Variants in TRAF4 observed in about 807,000 individuals in gnomAD.
TRAF4 encodes the protein TNF receptor-associated factor 4.
TRAF4 carries 9 observed loss-of-function variants against 47.3 expected under a neutral mutation model. The ratio of observed to expected loss-of-function variants is 0.19; its 90% CI spans 0.11 to 0.33. TRAF4 has a LOEUF of 0.33. Among genes scored for constraint, TRAF4 ranks in the 10% least tolerant of loss-of-function variants. The pLI is 1.00. For missense variants in TRAF4, 448 were observed against 620.3 expected (o/e 0.72, Z 2.95); for synonymous variants, 236 against 236.9 (o/e 1.00, Z 0.04).
chr17:28,744,476 G>A (rs1180914894), intron 1 of TRAF4, among the ~76,000 whole-genome samples: 1 of 152,076 alleles, frequency 6.6e-6, no homozygotes, highest in Non-Finnish European at 1.5e-5. Context: ...TGCCCGGCCC[G>A]GGGCGGAAGA....
At chr17:28,746,538 G>A (rs1169733656) in intron 1 of TRAF4, among the ~76,000 whole-genome samples, 1 of 152,248 alleles carries the variant, frequency 6.6e-6, no homozygotes, top group Admixed American at 6.5e-5. Flanking sequence ...AGTAGAGCCT[G>A]TCTGAGCTGT....
rs1188820742 is a variant in TRAF4, at chr17:28,747,914, C to T, written c.267C>T (p.Gly89=). 1.2e-6 allele frequency: 2 copies of T among 1,614,144 alleles called. No homozygotes were observed. Among genetic ancestry groups the T allele is most frequent in the Admixed American group, 3.3e-5 (2 of 60,026 alleles). The part of the protein sequence containing the change: ...LPIRCIHSEE[G]CRWSGPLRHL... ...TCCGCTGCATCCACAGTGAGGAGGG[C>T]TGCCGCTGGAGTGGGCCACTACGTC... The change falls in exon 3 of 7, where the codon GGC becomes GGT. Residue 89 remains glycine, a synonymous_variant. Coordinates refer to ENST00000262395, the MANE Select transcript of TRAF4 (RefSeq NM_004295.4).
chr17:28,744,430 C>T (rs1210135965), intron 1 of TRAF4, among the ~76,000 whole-genome samples, 175 bp downstream of exon 1: 1 of 151,978 alleles, frequency 6.6e-6, no homozygotes, highest in African/African-American at 2.4e-5. Flanking sequence ...GGAGGCCCCC[C>T]CCGCAGGAAT....
At chr17:28,744,389 G>A (rs1240003046) in intron 1 of TRAF4, 134 bp downstream of exon 1, 6 of 1,039,104 alleles carry the variant, frequency 5.8e-6, no homozygotes, top group Non-Finnish European at 8.0e-6. Flanking sequence ...GCCCCGTGAC[G>A]TCACGGGGAG....
At chr17:28,744,294 G>A (rs1243765436) in intron 1 of TRAF4, 39 bp downstream of exon 1, 9 of 1,497,220 alleles carry the variant, frequency 6.0e-6, no homozygotes, top group Non-Finnish European at 8.0e-6. Context: ...GGGCGGGGCG[G>A]GGCGGGGGGC....
intron 2 of TRAF4, chr17:28,747,555 G>A (rs1597813066): frequency 3.4e-6 from 2 of 583,410 alleles, no homozygotes; most frequent in African/African-American, 3.7e-5. Context: ...CTGAGGGCCA[G>A]TATCCCTCCA....
In TRAF4 at chr17:28,749,828, G is replaced by T. The variant is rs1328641436; in HGVS notation, c.*251G>T. 2.8e-6 allele frequency: 2 copies of T among 722,980 alleles called. No individual in the cohort carries two copies. The highest frequency in any genetic ancestry group is 4.9e-6 in the Non-Finnish European group (2 of 404,244). The allele number at this position is 722,980 out of a possible 1,614,324, so 44.8% of individuals were successfully genotyped here. A position where few individuals can be genotyped will look rare whatever the true frequency, so the allele number is the denominator to read the frequency against. The stretch of plus-strand genomic sequence containing the variant: ...ACCCCAGGGCCTGTCTCCCTTCTTG[G>T]GTAGGGCAGACATGCCTTGGTGCCG... On this transcript the variant is annotated 3_prime_UTR_variant, in exon 7 of 7. Coordinates refer to ENST00000262395, the MANE Select transcript of TRAF4 (RefSeq NM_004295.4).
Position 28,749,856 on chromosome 17 carries a change from C to A in TRAF4, c.*279C>A. ...AGGGCAGACATGCCTTGGTGCCGGTCACACTCTACACGGACTGAGGTGCCT... is the reference window on the plus strand; with the variant it reads ...AGGGCAGACATGCCTTGGTGCCGGTAACACTCTACACGGACTGAGGTGCCT... On this transcript the variant is annotated 3_prime_UTR_variant, in exon 7 of 7. Transcript: ENST00000262395. 1 of 705,704 alleles carries A rather than the reference C, an allele frequency of 1.4e-6. No homozygotes were observed. The highest frequency in any genetic ancestry group is 2.6e-6 in the Non-Finnish European group (1 of 388,718). 43.7% of individuals were successfully genotyped at this position (705,704 alleles called of 1,614,324 possible).
chr17:28,745,108 G>T (rs1367045971), intron 1 of TRAF4, among the ~76,000 whole-genome samples: 1 of 152,234 alleles, frequency 6.6e-6, no homozygotes, highest in South Asian at 2.1e-4. Flanking sequence ...CAGAGCGCAG[G>T]GGAAGGCCGA....
In TRAF4 at chr17:28,748,946, G is replaced by A; in HGVS notation, c.782G>A (p.Cys261Tyr). The A allele has an allele frequency of 6.2e-7, 1 of 1,608,498 alleles. No homozygotes were observed. Among genetic ancestry groups the A allele is most frequent in the Admixed American group, 1.7e-5 (1 of 59,826 alleles). The change falls in exon 7 of 7, where the codon TGC becomes TAC. Residue 261 changes from cysteine to tyrosine, a missense_variant and splice_region_variant. By Grantham distance (194) the Cys-to-Tyr change is radical. Transcript: ENST00000262395. ...PFKDSGCKHR[C>Y]PKLAMARHVE... ...CATGGCCTGGGGCTTTGCCAACAGTGCCCTAAGCTGGCAATGGCACGGCAT... is the reference window on the plus strand; with the variant it reads ...CATGGCCTGGGGCTTTGCCAACAGTACCCTAAGCTGGCAATGGCACGGCAT...
chr17:28,748,793 T>C, intron 6 of TRAF4, 127 bp downstream of exon 6: 1 of 1,490,866 alleles, frequency 6.7e-7, no homozygotes, highest in Admixed American at 2.2e-5. Context: ...TCCTTCCCTC[T>C]GCTGCCAGCT....
At chr17:28,747,409 A>T in intron 2 of TRAF4, 145 bp downstream of exon 2, 1 of 998,386 alleles carries the variant, frequency 1.0e-6, no homozygotes, top group South Asian at 1.7e-5. Context: ...GTTCCCTCCC[A>T]CCAGGCCAGT....
intron 1 of TRAF4, among the ~76,000 whole-genome samples, chr17:28,746,492 C>G (rs1484048733): frequency 6.6e-6 from 1 of 152,212 alleles, no homozygotes; most frequent in Non-Finnish European, 1.5e-5. Context: ...GGACATTTTT[C>G]CTTGCCCCAG....
rs759545463 is a variant in TRAF4 at position 28,749,046 on chromosome 17, G to A, written c.882G>A (p.Glu294=). The change falls in exon 7 of 7, where the codon GAG becomes GAA. Residue 294 remains glutamate, a synonymous_variant. Coordinates refer to ENST00000262395, the MANE Select transcript of TRAF4 (RefSeq NM_004295.4). The part of the protein sequence containing the change: ...LVSRQRQELQ[E]LRRELEELSV... ...GCCGGCAACGGCAGGAGCTGCAGGA[G>A]CTTCGGCGAGAGCTGGAGGAGCTAT... 3.1e-6 allele frequency: 5 copies of A among 1,613,766 alleles called. No homozygotes were observed. The African/African-American group carries it at 4.0e-5, about 13-fold the overall frequency.
At position 28,750,890 on chromosome 17, in the gene TRAF4, T is replaced by C. The variant is rs2034589868; in HGVS notation, c.*1313T>C. On this transcript the variant is annotated 3_prime_UTR_variant, in exon 7 of 7. Transcript: ENST00000262395. ...TTTCTGAGCTACACAGGGCCTCCAT[T>C]ACCGTCACTGGTGAAATGCGGCTCA... 1 of 152,220 alleles carries C rather than the reference T, an allele frequency of 6.6e-6. No individual in the cohort carries two copies. The highest frequency in any genetic ancestry group is 1.5e-5 in the Non-Finnish European group (1 of 68,058). 9.4% of individuals were successfully genotyped at this position (152,220 alleles called of 1,614,324 possible).
chr17:28,750,249 C>T lies in TRAF4; in HGVS notation c.*672C>T, dbSNP rs1052291529. 31 of 293,526 alleles carry T rather than the reference C, an allele frequency of 1.1e-4. No homozygotes were observed. Among genetic ancestry groups the T allele is most frequent in the Admixed American group, 1.4e-4 (3 of 20,980 alleles). The allele number at this position is 293,526 out of a possible 1,614,324, so 18.2% of individuals were successfully genotyped here. A position where few individuals can be genotyped will look rare whatever the true frequency, so the allele number is the denominator to read the frequency against. Reference sequence around the variant, plus strand: ...TGGACGCCGGGAAAACTGCATCGGGCTTTGTGTGGAAGACGGTCCCTGCCA... The same window carrying T: ...TGGACGCCGGGAAAACTGCATCGGGTTTTGTGTGGAAGACGGTCCCTGCCA... On this transcript the variant is annotated 3_prime_UTR_variant, in exon 7 of 7. Transcript: ENST00000262395.
chr17:28,746,714 A>G (rs1477865036), intron 1 of TRAF4: 1 of 153,150 alleles, frequency 6.5e-6, no homozygotes, highest in Non-Finnish European at 1.5e-5. Flanking sequence ...TGTGGGAGAC[A>G]CACCCTCAAA....
intron 2 of TRAF4, 27 bp downstream of exon 2, chr17:28,747,291 C>A: frequency 6.2e-7 from 1 of 1,610,372 alleles, no homozygotes; most frequent in Non-Finnish European, 8.5e-7. Context: ...AGGAAGAAGC[C>A]CAAGCACAGT....
rs1229600267 is a variant in TRAF4 at position 28,750,171 on chromosome 17, C to T, written c.*594C>T. 6.9e-6 allele frequency: 3 copies of T among 436,220 alleles called. No homozygotes were observed. Among genetic ancestry groups the T allele is most frequent in the African/African-American group, 2.0e-5 (1 of 49,208 alleles). 27.0% of individuals were successfully genotyped at this position (436,220 alleles called of 1,614,324 possible). ...AAGAAAGGACCAGTCAGAGAAGGGC[C>T]GCTGCCTGGGTCTGGCCCCAGGATC... On this transcript the variant is annotated 3_prime_UTR_variant, in exon 7 of 7. Coordinates refer to ENST00000262395, the MANE Select transcript of TRAF4 (RefSeq NM_004295.4).
Sources: allele counts gnomAD v4.1 joint callset (sites outside exome capture counted in the v4.1 genomes callset), GRCh38; gene constraint gnomAD v4.1.1; transcripts MANE v1.5; gene names NCBI Gene and HGNC (gene_info 2026-07-23, HGNC 2026-07-21).